KAZN: variants seen among roughly 807,000 people sequenced by gnomAD.
KAZN encodes the protein kazrin.
KAZN carries 40 observed loss-of-function variants against 87.4 expected under a neutral mutation model. The observed-to-expected ratio is 0.46, with a 90% CI of 0.36 to 0.60. The LOEUF (loss-of-function observed/expected upper bound fraction) is 0.60. Ranked by LOEUF, KAZN falls within the 20% of genes least tolerant of loss-of-function variation. The pLI is 0.00. For missense variants in KAZN, 898 were observed against 1,073.9 expected (o/e 0.84, Z 2.29); for synonymous variants, 466 against 458.3 (o/e 1.02, Z -0.22).
intron 2 of KAZN, among the ~76,000 whole-genome samples, chr1:14,258,390 A>ATTTT (rs760768355): frequency 0.069 from 8,652 of 125,244 alleles, 564 homozygotes; most frequent in African/African-American, 0.15. Flanking sequence ...TAAATTTTGT[A>ATTTT]TTTTTTTTTT....
At chr1:14,588,718 C>G (rs1395142492) in intron 2 of KAZN, among the ~76,000 whole-genome samples, 1 of 152,222 alleles carries the variant, frequency 6.6e-6, no homozygotes, top group African/African-American at 2.4e-5. Flanking sequence ...GGACAAGAAC[C>G]TGGATCTGTC....
chr1:13,945,764 AT>A (rs1035794209), intron 1 of KAZN, among the ~76,000 whole-genome samples: 1 of 150,974 alleles, frequency 6.6e-6, no homozygotes, highest in Non-Finnish European at 1.5e-5. Flanking sequence ...TCTTTAGTAC[AT>A]TTTTTTATGA....
At chr1:15,009,841 C>T (rs1015051126) in intron 2 of KAZN, among the ~76,000 whole-genome samples, 15 of 152,278 alleles carry the variant, frequency 9.9e-5, no homozygotes, top group African/African-American at 2.2e-4. Context: ...TCTCACCCTC[C>T]GCTCGTTCCT....
chr1:14,976,477 G>A (rs1665633932), intron 2 of KAZN, among the ~76,000 whole-genome samples: 2 of 152,296 alleles, frequency 1.3e-5, no homozygotes, highest in South Asian at 2.1e-4. Context: ...GGACCATGAC[G>A]ACCCAGAACA....
rs1039906449 is a variant in KAZN, at chr1:14,498,051, C to T, written c.250-100932C>T. Among the ~76,000 whole-genome samples, 69 of 152,142 alleles carry T rather than the reference C, an allele frequency of 4.5e-4. 1 individual carries two copies. The highest frequency in any genetic ancestry group is 1.5e-3 in the African/African-American group (63 of 41,420). On this transcript the variant is annotated intron_variant, in intron 2 of 16. Transcript: ENST00000636203. ...CAAGCTGCTTCTCCTTCACCTCATTCGTATTCAATGTCTGGGACTCAGTTC... is the reference window on the plus strand; with the variant it reads ...CAAGCTGCTTCTCCTTCACCTCATTTGTATTCAATGTCTGGGACTCAGTTC...
At position 14,008,815 on chromosome 1, in the gene KAZN, A is replaced by C. The variant is rs1247861303; in HGVS notation, c.91+115059A>C. On this transcript the variant is annotated intron_variant, in intron 1 of 16. Coordinates refer to the KAZN transcript ENST00000636203. ...TAAATTGTGTTAAAATGCATATAAC[A>C]CAAGTTACCATCTTAACCATTTTTA... is the stretch of plus-strand genomic sequence containing the variant. 2.6e-5 allele frequency among the ~76,000 whole-genome samples: 4 copies of C among 152,328 alleles called. No individual in the cohort carries two copies. The East Asian group carries it at 7.7e-4, about 29-fold the overall frequency.
In KAZN at chr1:14,941,008, C is replaced by T. The variant is rs1029508933; in HGVS notation, c.227-19676C>T. 4.6e-4 allele frequency among the ~76,000 whole-genome samples: 67 copies of T among 146,632 alleles called. 1 individual carries two copies. The highest frequency in any genetic ancestry group is 1.4e-4 in the Admixed American group (2 of 14,206). The stretch of plus-strand genomic sequence containing the variant: ...TCGGCTCACTGTAACCCCTGCCTCC[C>T]GGGTTCAAGTGATTCTCCTGCCTCG... On this transcript the variant is annotated intron_variant, in intron 1 of 14. Transcript: ENST00000376030.
At chr1:14,656,834 T>G (rs1303318066) in intron 1 of KAZN, among the ~76,000 whole-genome samples, 1 of 152,176 alleles carries the variant, frequency 6.6e-6, no homozygotes, top group African/African-American at 2.4e-5. Flanking sequence ...CACTGGAGAT[T>G]ACAATTCAAC....
At chr1:14,650,570 G>T (rs1638297169) in intron 1 of KAZN, among the ~76,000 whole-genome samples, 1 of 152,102 alleles carries the variant, frequency 6.6e-6, no homozygotes, top group Admixed American at 6.6e-5. Flanking sequence ...AAACAAAAAA[G>T]ACACAATGGG....
intron 1 of KAZN, among the ~76,000 whole-genome samples, chr1:14,073,625 C>T (rs1258615976): frequency 6.6e-6 from 1 of 152,072 alleles, no homozygotes; most frequent in African/African-American, 2.4e-5. Flanking sequence ...TGTTCAGCTC[C>T]CACTTATGAG....
chr1:14,509,157 TGCCATGG>T (rs1380569749), intron 2 of KAZN, among the ~76,000 whole-genome samples: 3 of 152,238 alleles, frequency 2.0e-5, no homozygotes, highest in African/African-American at 7.2e-5. Flanking sequence ...GAGAGTGCTT[TGCCATGG>T]GCAAATTCAA....
chr1:14,388,588 C>A (rs890711067), intron 2 of KAZN, among the ~76,000 whole-genome samples: 3 of 152,020 alleles, frequency 2.0e-5, no homozygotes, highest in African/African-American at 7.3e-5. Flanking sequence ...ATGCCAAGAG[C>A]ATACACTGGG....
intron 1 of KAZN, among the ~76,000 whole-genome samples, chr1:14,774,468 A>ACTTTTT (rs1557476099): frequency 7.6e-6 from 1 of 131,286 alleles, no homozygotes. Flanking sequence ...TCTTGAACAG[A>ACTTTTT]TTTTTTTTTT....
intron 10 of KAZN, among the ~76,000 whole-genome samples, chr1:15,095,842 T>A (rs1640783487): frequency 6.6e-6 from 1 of 151,926 alleles, no homozygotes; most frequent in African/African-American, 2.4e-5. Context: ...ACCAAATCCA[T>A]ATGTGTGCAG....
intron 2 of KAZN, among the ~76,000 whole-genome samples, chr1:14,212,184 C>T (rs534270899): frequency 7.9e-5 from 12 of 152,184 alleles, no homozygotes; most frequent in East Asian, 1.9e-4. Flanking sequence ...GTGCCTGGCA[C>T]GGGTTATGCA....
At chr1:14,806,370 A>C (rs1646222975) in intron 1 of KAZN, among the ~76,000 whole-genome samples, 1 of 152,156 alleles carries the variant, frequency 6.6e-6, no homozygotes, top group African/African-American at 2.4e-5. Flanking sequence ...TTTTTTTGAC[A>C]TTCAATTATA....
At chr1:14,558,093 T>A (rs992258441) in intron 2 of KAZN, among the ~76,000 whole-genome samples, 6 of 152,196 alleles carry the variant, frequency 3.9e-5, no homozygotes, top group African/African-American at 1.4e-4. Context: ...GAATCCCTTC[T>A]TCTTTTCAAG....
At chr1:14,357,079 G>GT (rs1659096472) in intron 2 of KAZN, among the ~76,000 whole-genome samples, 1 of 152,068 alleles carries the variant, frequency 6.6e-6, no homozygotes, top group Admixed American at 6.6e-5. Flanking sequence ...TTTTCCATTT[G>GT]TTTGTGCCCT....
At chr1:14,188,846 T>C (rs1646367597) in intron 2 of KAZN, among the ~76,000 whole-genome samples, 5 of 152,216 alleles carry the variant, frequency 3.3e-5, no homozygotes, top group Admixed American at 2.6e-4. Flanking sequence ...TCAGACTTTT[T>C]TCTTATCCGT....
Sources: allele counts gnomAD v4.1 joint callset (sites outside exome capture counted in the v4.1 genomes callset), GRCh38; gene constraint gnomAD v4.1.1; transcripts MANE v1.5; gene names NCBI Gene and HGNC (gene_info 2026-07-23, HGNC 2026-07-21).